CNKSR3: variants seen among roughly 807,000 people sequenced by gnomAD.
The protein encoded by CNKSR3 is CNKSR family member 3.
Under a neutral mutation model 67.7 loss-of-function variants are expected in CNKSR3, and 36 were observed. The observed-to-expected ratio is 0.53, with a 90% CI of 0.41 to 0.70. The LOEUF (loss-of-function observed/expected upper bound fraction) is 0.70. Ranked by LOEUF, CNKSR3 falls within the 30% of genes least tolerant of loss-of-function variation. The probability of loss-of-function intolerance (pLI) is 0.00; values close to 1 mark genes in which losing one functional copy is unlikely to be tolerated. For synonymous variants in CNKSR3, 281 were observed against 271.4 expected (o/e 1.04, Z -0.35); for missense variants, 630 against 695.2 (o/e 0.91, Z 1.05).
intron 1 of CNKSR3, among the ~76,000 whole-genome samples, chr6:154,461,747 T>C (rs996952712): frequency 6.6e-6 from 1 of 152,182 alleles, no homozygotes; most frequent in Non-Finnish European, 1.5e-5. Flanking sequence ...TAAAAGAAAC[T>C]GGGGCTCAGC....
In CNKSR3 at chr6:154,389,840, T is replaced by G. The variant is rs1326995579; in HGVS notation, c.*16514A>C. The G allele has an allele frequency of 2.0e-5, 3 of 152,140 alleles. No homozygotes were observed. The highest frequency in any genetic ancestry group is 4.4e-5 in the Non-Finnish European group (3 of 68,012). The allele number at this position is 152,140 out of a possible 1,614,324, so 9.4% of individuals were successfully genotyped here. On this transcript the variant is annotated 3_prime_UTR_variant, in exon 13 of 13. Coordinates refer to ENST00000607772, the MANE Select transcript of CNKSR3 (RefSeq NM_173515.4). ...TAAAATACTTGGGAATAAACTTAAC[T>G]AAGGAGGTGAAAGACTTGTATACTG...
intron 10 of CNKSR3, among the ~76,000 whole-genome samples, chr6:154,411,863 T>C (rs1784920043): frequency 1.3e-5 from 2 of 152,280 alleles, no homozygotes; most frequent in Admixed American, 1.3e-4. Flanking sequence ...TATTATGAAG[T>C]TGTTAGATTT....
rs1316372423 is a variant in CNKSR3, at chr6:154,510,245, G to C, written c.-131C>G. ...GCGCCCGAGCGACTCCGTCAAGACT[G>C]CATGGCCGCGGTCAGCCAGTCGTCC... is the stretch of plus-strand genomic sequence containing the variant. On this transcript the variant is annotated 5_prime_UTR_variant, in exon 1 of 13. Coordinates refer to ENST00000607772, the MANE Select transcript of CNKSR3 (RefSeq NM_173515.4). 67 of 1,004,564 alleles carry C rather than the reference G, an allele frequency of 6.7e-5. No individual in the cohort carries two copies. The highest frequency in any genetic ancestry group is 4.0e-5 in the Non-Finnish European group (27 of 666,886). 62.2% of individuals were successfully genotyped at this position (1,004,564 alleles called of 1,614,324 possible).
At chr6:154,413,105 T>A (rs900387578) in intron 10 of CNKSR3, among the ~76,000 whole-genome samples, 2 of 150,858 alleles carry the variant, frequency 1.3e-5, no homozygotes, top group African/African-American at 4.9e-5. Flanking sequence ...AAGTTAGCCA[T>A]GAAGAAAGCA....
chr6:154,504,866 A>T (rs1315819553), intron 1 of CNKSR3, among the ~76,000 whole-genome samples: 1 of 151,642 alleles, frequency 6.6e-6, no homozygotes, highest in Admixed American at 6.5e-5. Flanking sequence ...TAAGTAAAGA[A>T]GTTTTATAAT....
At chr6:154,443,533 C>G (rs1785647072) in intron 2 of CNKSR3, among the ~76,000 whole-genome samples, 1 of 152,194 alleles carries the variant, frequency 6.6e-6, no homozygotes, top group Non-Finnish European at 1.5e-5. Context: ...CCTTCTTCCT[C>G]CACTGGGACG....
In CNKSR3 at chr6:154,472,051, C is replaced by T. The variant is rs73794111; in HGVS notation, c.53-21793G>A. Among the ~76,000 whole-genome samples, 976 of 152,262 alleles carry T rather than the reference C, an allele frequency of 6.4e-3. 10 individuals are homozygous for T. Among genetic ancestry groups the T allele is most frequent in the African/African-American group, 0.022 (931 of 41,532 alleles). On this transcript the variant is annotated intron_variant, in intron 1 of 12. Coordinates refer to ENST00000607772, the MANE Select transcript of CNKSR3 (RefSeq NM_173515.4). ...AAAAACAACTTTCAGAGCAAATATACGTAATACAAATTAAAATAAAGAGCA... is the reference window on the plus strand; with the variant it reads ...AAAAACAACTTTCAGAGCAAATATATGTAATACAAATTAAAATAAAGAGCA...
intron 9 of CNKSR3, among the ~76,000 whole-genome samples, chr6:154,418,886 A>ATCTG (rs112720289): frequency 9.9e-5 from 15 of 152,142 alleles, no homozygotes; most frequent in African/African-American, 3.6e-4. Context: ...CCTAAAAAAT[A>ATCTG]TCTGCAAACC....
chr6:154,436,157 T>C (rs1222850271), intron 4 of CNKSR3, among the ~76,000 whole-genome samples: 1 of 152,258 alleles, frequency 6.6e-6, no homozygotes, highest in Non-Finnish European at 1.5e-5. Context: ...TTTCCTCTTC[T>C]GCTTCCATGG....
intron 7 of CNKSR3, among the ~76,000 whole-genome samples, chr6:154,425,948 C>T (rs1785245493): frequency 6.6e-6 from 1 of 152,182 alleles, no homozygotes; most frequent in Non-Finnish European, 1.5e-5. Context: ...TGTATTAATA[C>T]CCAACATTAA....
chr6:154,498,275 G>A (rs1174694079), intron 1 of CNKSR3, among the ~76,000 whole-genome samples: 1 of 151,894 alleles, frequency 6.6e-6, no homozygotes, highest in Non-Finnish European at 1.5e-5. Context: ...CTTCTCACTG[G>A]ACAATTAACA....
chr6:154,441,041 T>C (rs974065415), intron 4 of CNKSR3, among the ~76,000 whole-genome samples: 3 of 152,054 alleles, frequency 2.0e-5, no homozygotes, highest in African/African-American at 7.2e-5. Flanking sequence ...CAGGAACTAT[T>C]AGTTCGCCTA....
chr6:154,484,566 G>A (rs995062693), intron 1 of CNKSR3, among the ~76,000 whole-genome samples: 3 of 152,022 alleles, frequency 2.0e-5, no homozygotes, highest in Non-Finnish European at 4.4e-5. Flanking sequence ...GCCGGGCATG[G>A]TGGTGCATGC....
intron 1 of CNKSR3, among the ~76,000 whole-genome samples, chr6:154,467,791 C>T (rs1383286934): frequency 6.6e-6 from 1 of 151,920 alleles, no homozygotes; most frequent in African/African-American, 2.4e-5. Flanking sequence ...TGGAGTCTCG[C>T]TCTTGTCGCC....
chr6:154,464,879 C>T (rs951338709), intron 1 of CNKSR3, among the ~76,000 whole-genome samples: 5 of 152,028 alleles, frequency 3.3e-5, no homozygotes, highest in Admixed American at 1.3e-4. Flanking sequence ...CTGTGGCTCA[C>T]ACCTGTAATC....
At chr6:154,465,421 T>C (rs1786176702) in intron 1 of CNKSR3, among the ~76,000 whole-genome samples, 1 of 152,018 alleles carries the variant, frequency 6.6e-6, no homozygotes, top group Admixed American at 6.5e-5. Context: ...TGGCAGGTGC[T>C]TTCTAAGACT....
chr6:154,389,592 T>C lies in CNKSR3; in HGVS notation c.*16762A>G, dbSNP rs983730983. ...ATTCATGGTCTTTTGTGGTTTCATATGGACTGTAGAATTGTTTTGTCCCTG... is the reference window on the plus strand; with the variant it reads ...ATTCATGGTCTTTTGTGGTTTCATACGGACTGTAGAATTGTTTTGTCCCTG... On this transcript the variant is annotated 3_prime_UTR_variant, in exon 13 of 13. Coordinates refer to ENST00000607772, the MANE Select transcript of CNKSR3 (RefSeq NM_173515.4). The C allele has an allele frequency of 6.6e-6, 1 of 152,240 alleles. No homozygotes were observed. The highest frequency in any genetic ancestry group is 1.5e-5 in the Non-Finnish European group (1 of 68,042). The allele number at this position is 152,240 out of a possible 1,614,324, so 9.4% of individuals were successfully genotyped here. A position where few individuals can be genotyped will look rare whatever the true frequency, so the allele number is the denominator to read the frequency against.
chr6:154,503,339 G>T (rs1359437121), intron 1 of CNKSR3, among the ~76,000 whole-genome samples: 1 of 152,144 alleles, frequency 6.6e-6, no homozygotes, highest in African/African-American at 2.4e-5. Flanking sequence ...GGGGGCAGGG[G>T]TTGGTCCTGA....
intron 1 of CNKSR3, among the ~76,000 whole-genome samples, chr6:154,507,282 C>G (rs1787121412): frequency 6.6e-6 from 1 of 152,204 alleles, no homozygotes. Flanking sequence ...ACACATCTGT[C>G]AAATAACAAG....
Sources: gnomAD v4.1 joint callset for allele counts (sites outside exome capture counted in the v4.1 genomes callset) on GRCh38, gnomAD v4.1.1 for gene constraint, MANE v1.5 for transcripts, NCBI Gene and HGNC (gene_info 2026-07-23, HGNC 2026-07-21) for gene names.